TRIM3: variants seen among roughly 807,000 people sequenced by gnomAD.
The protein encoded by TRIM3 is tripartite motif containing 3.
In TRIM3, 13 loss-of-function variants were observed where a neutral mutation model predicts 66.6. That is an observed-to-expected ratio of 0.20 (90% CI 0.13 to 0.31). TRIM3 has a LOEUF of 0.31. TRIM3 is among the 10% of genes least tolerant of loss of function. The pLI is 1.00. For missense variants in TRIM3, 711 were observed against 1,020.4 expected, an observed-to-expected ratio of 0.70 and a Z score of 4.13; for synonymous variants, 406 against 411.7, an observed-to-expected ratio of 0.99 and a Z score of 0.17.
intron 1 of TRIM3, among the ~76,000 whole-genome samples, chr11:6,465,965 A>G (rs1260857671): frequency 6.6e-6 from 1 of 152,228 alleles, no homozygotes; most frequent in African/African-American, 2.4e-5. Flanking sequence ...CTCACCAGCT[A>G]TGTGAGCTTG....
chr11:6,449,326 A>C lies in TRIM3; in HGVS notation c.2062T>G (p.Trp688Gly), dbSNP rs1849622762. Residue 688 changes from tryptophan to glycine, a missense_variant, in exon 11 of 12, where the codon TGG becomes GGG. Physicochemically the swap from Trp to Gly is radical, Grantham distance 184. Transcript: ENST00000345851. The surrounding 1 kb of genome is among the most constrained non-coding windows in gnomAD (Gnocchi z 5.3). ...CTCACCTGGATGCGGCTGTTGCCCC[A>C]GTCAGCCACAATGATGTTTCCATTG... ...DSNGNIIVADWGNSRIQVFDS... is the reference protein window; with the variant it reads ...DSNGNIIVADGGNSRIQVFDS... The C allele has an allele frequency of 6.2e-7, 1 of 1,613,920 alleles. No homozygotes were observed. The highest frequency in any genetic ancestry group is 1.3e-5 in the African/African-American group (1 of 74,922).
At chr11:6,454,311 A>G (rs1475228771) in intron 7 of TRIM3, among the ~76,000 whole-genome samples, 5 of 151,640 alleles carry the variant, frequency 3.3e-5, no homozygotes, top group Admixed American at 2.0e-4. Flanking sequence ...GGATTGCTTG[A>G]GCACAGGAGG....
Position 6,457,651 on chromosome 11 carries a change from C to T in TRIM3, c.515+45G>A. On this transcript the variant is annotated intron_variant, in intron 4 of 11. Coordinates refer to ENST00000345851, the MANE Select transcript of TRIM3 (RefSeq NM_033278.4). This position sits in a 1 kb window ranked among gnomAD's most constrained non-coding sequence, Gnocchi z 4.5. ...TCCCCTCCCCGCCCGAGCTAAGACACCATCCCTGTGGCCCCACCAGCCCAG... is the reference window on the plus strand; with the variant it reads ...TCCCCTCCCCGCCCGAGCTAAGACATCATCCCTGTGGCCCCACCAGCCCAG... The T allele has an allele frequency of 1.9e-6, 3 of 1,591,284 alleles. No homozygotes were observed. Among genetic ancestry groups the T allele is most frequent in the Non-Finnish European group, 2.6e-6 (3 of 1,165,356 alleles).
At chr11:6,460,717 G>A (rs1850188724) in intron 2 of TRIM3, among the ~76,000 whole-genome samples, 1 of 152,124 alleles carries the variant, frequency 6.6e-6, no homozygotes. Flanking sequence ...CCTCAAATTT[G>A]TGGAGTGAAG....
At chr11:6,469,430 TC>T (rs1850596767) in intron 1 of TRIM3, among the ~76,000 whole-genome samples, 2 of 152,186 alleles carry the variant, frequency 1.3e-5, no homozygotes, top group Non-Finnish European at 2.9e-5. Flanking sequence ...TCCTAGCTCT[TC>T]CATCCCACTG....
In TRIM3 at chr11:6,456,593, A is replaced by G; in HGVS notation, c.1133T>C (p.Val378Ala). ...ATATGTGCCATTCTTGTGGTCCACC[A>G]CTGGCACCGGAAGGCGCGTGCCGTC... is the stretch of plus-strand genomic sequence containing the variant. ...GPDGTRLPVPVVDHKNGTYEL... is the reference protein window; with the variant it reads ...GPDGTRLPVPAVDHKNGTYEL... The change falls in exon 6 of 12, where the codon GTG becomes GCG. Residue 378 changes from valine to alanine, a missense_variant. By Grantham distance (64) the Val-to-Ala change is moderately conservative (BLOSUM62 0). Around this residue, in one of 3 missense-constraint regions of TRIM3, gnomAD observed 399 missense variants for 458.1 expected, o/e 0.87. Transcript: ENST00000345851. This position sits in a 1 kb window ranked among gnomAD's most constrained non-coding sequence, Gnocchi z 6.4. The G allele has an allele frequency of 6.2e-7, 1 of 1,612,872 alleles. No homozygotes were observed. The highest frequency in any genetic ancestry group is 8.5e-7 in the Non-Finnish European group (1 of 1,179,842).
Position 6,451,469 on chromosome 11 carries a change from G to T in TRIM3, c.1534-31C>A, listed in dbSNP as rs180776352. On this transcript the variant is annotated intron_variant, in intron 7 of 11. Coordinates refer to ENST00000345851, the MANE Select transcript of TRIM3 (RefSeq NM_033278.4). ...GCAGAGGAGCAAGGGGAGGGAGCAG[G>T]TAGGAGGGGAGACACTGTGGGCACA... The T allele has an allele frequency of 4.3e-3, 6,920 of 1,611,062 alleles. 17 individuals are homozygous for T. Among genetic ancestry groups the T allele is most frequent in the Non-Finnish European group, 4.9e-3 (5,763 of 1,178,064 alleles).
chr11:6,456,261 C>G lies in TRIM3; in HGVS notation c.1429+36G>C. On this transcript the variant is annotated intron_variant, in intron 6 of 11. Coordinates refer to ENST00000345851, the MANE Select transcript of TRIM3 (RefSeq NM_033278.4). The surrounding 1 kb of genome is among the most constrained non-coding windows in gnomAD (Gnocchi z 6.4). The stretch of plus-strand genomic sequence containing the variant: ...CTTCCCTCCCCACCCACTACCTGAG[C>G]CTGGCCCATCTGGCTCTGCCCTCGG... 5 of 1,589,144 alleles carry G rather than the reference C, an allele frequency of 3.1e-6. No individual in the cohort carries two copies. Among genetic ancestry groups the G allele is most frequent in the Non-Finnish European group, 4.3e-6 (5 of 1,164,646 alleles).
intron 2 of TRIM3, among the ~76,000 whole-genome samples, chr11:6,462,012 T>C (rs933939420): frequency 6.6e-6 from 1 of 152,204 alleles, no homozygotes; most frequent in Non-Finnish European, 1.5e-5. Flanking sequence ...ACTGGTTTCT[T>C]TTCTGGTATC....
chr11:6,457,060 C>G lies in TRIM3; in HGVS notation c.697-31G>C. The G allele has an allele frequency of 1.3e-6, 2 of 1,564,468 alleles. No homozygotes were observed. Among genetic ancestry groups the G allele is most frequent in the South Asian group, 2.3e-5 (2 of 86,128 alleles). ...GAGGGGTAGGGGAGGAGTGGGTGAG[C>G]AGACTGGCACAGGGGGAGTCTCTGT... On this transcript the variant is annotated intron_variant, in intron 5 of 11. Transcript: ENST00000345851. This position sits in a 1 kb window ranked among gnomAD's most constrained non-coding sequence, Gnocchi z 4.5.
At position 6,457,939 on chromosome 11, in the gene TRIM3, T is replaced by C; in HGVS notation, c.364-92A>G. On this transcript the variant is annotated intron_variant, in intron 3 of 11. Transcript: ENST00000345851. This position sits in a 1 kb window ranked among gnomAD's most constrained non-coding sequence, Gnocchi z 4.5. Reference sequence around the variant, plus strand: ...CCCTCCCTGCCCCTCACCTTCTAAGTGCACCCCCTACCTGGACCACTAATC... The same window carrying C: ...CCCTCCCTGCCCCTCACCTTCTAAGCGCACCCCCTACCTGGACCACTAATC... 6.4e-7 allele frequency: 1 copy of C among 1,568,544 alleles called. No individual in the cohort carries two copies.
At chr11:6,454,785 G>C (rs1020428081) in intron 7 of TRIM3, among the ~76,000 whole-genome samples, 5 of 152,166 alleles carry the variant, frequency 3.3e-5, no homozygotes, top group Admixed American at 6.5e-5. Flanking sequence ...TAGGTGAAAA[G>C]CAGGGGTCAG....
At position 6,454,716 on chromosome 11, in the gene TRIM3, G is replaced by A. The variant is rs536210960; in HGVS notation, c.1533+1356C>T. Among the ~76,000 whole-genome samples the A allele has an allele frequency of 9.2e-5, 14 of 152,202 alleles. No individual in the cohort carries two copies. In the East Asian group the frequency reaches 2.7e-3, roughly 29 times the overall value. ...TCTTAGAAATAGGGTAGGAGTAAAGGACGACTGGACAGAACTGGGAATATG... is the reference window on the plus strand; with the variant it reads ...TCTTAGAAATAGGGTAGGAGTAAAGAACGACTGGACAGAACTGGGAATATG... On this transcript the variant is annotated intron_variant, in intron 7 of 11. Transcript: ENST00000345851.
chr11:6,474,033 G>T (rs1258730118), upstream of TRIM3: 1 of 135,160 alleles, frequency 7.4e-6, no homozygotes, highest in South Asian at 2.7e-4. Context: ...GCCCGCCGCC[G>T]CGGAGGCCCC....
intron 2 of TRIM3, among the ~76,000 whole-genome samples, chr11:6,463,386 T>C (rs959261308): frequency 6.6e-6 from 1 of 152,222 alleles, no homozygotes; most frequent in Non-Finnish European, 1.5e-5. Context: ...CAATACATGG[T>C]AGCTACTGTT....
chr11:6,458,179 G>A lies in TRIM3; in HGVS notation c.249C>T (p.Ser83=). ...VSALQNNFFI[S]SLMEAMQQAP... is the part of the protein sequence containing the mutation. Reference sequence around the variant, plus strand: ...CCTGCTGCATTGCCTCCATGAGGCTGCTGATGAAGAAGTTGTTCTGCAGTG... The same window carrying A: ...CCTGCTGCATTGCCTCCATGAGGCTACTGATGAAGAAGTTGTTCTGCAGTG... Residue 83 remains serine, a synonymous_variant, in exon 3 of 12, where the codon AGC becomes AGT. Coordinates refer to ENST00000345851, the MANE Select transcript of TRIM3 (RefSeq NM_033278.4). The surrounding 1 kb of genome is among the most constrained non-coding windows in gnomAD (Gnocchi z 6.2). 1.2e-6 allele frequency: 2 copies of A among 1,614,206 alleles called. No homozygotes were observed. The highest frequency in any genetic ancestry group is 1.7e-6 in the Non-Finnish European group (2 of 1,180,042).
intron 2 of TRIM3, among the ~76,000 whole-genome samples, chr11:6,459,605 C>T (rs1850136495): frequency 6.6e-6 from 1 of 152,176 alleles, no homozygotes; most frequent in Non-Finnish European, 1.5e-5. Flanking sequence ...TGTGCTTAGC[C>T]AGCATACTCT....
Position 6,449,276 on chromosome 11 carries a change from C to T in TRIM3, c.2082+30G>A. 6.2e-7 allele frequency: 1 copy of T among 1,610,948 alleles called. No individual in the cohort carries two copies. On this transcript the variant is annotated intron_variant, in intron 11 of 11. Transcript: ENST00000345851. The surrounding 1 kb of genome is among the most constrained non-coding windows in gnomAD (Gnocchi z 5.3). ...CATATGGGACACACCAGGAAACCGC[C>T]CCCTCATGTCATTCCCAGGCCTTAC... is the stretch of plus-strand genomic sequence containing the variant.
At position 6,449,486 on chromosome 11, in the gene TRIM3, A is replaced by G; in HGVS notation, c.1942-40T>C. 2 of 1,593,018 alleles carry G rather than the reference A, an allele frequency of 1.3e-6. No homozygotes were observed. Among genetic ancestry groups the G allele is most frequent in the Non-Finnish European group, 1.7e-6 (2 of 1,166,880 alleles). On this transcript the variant is annotated intron_variant, in intron 10 of 11. Transcript: ENST00000345851. The surrounding 1 kb of genome is among the most constrained non-coding windows in gnomAD (Gnocchi z 5.3). ...GGCTAGGGACTGGGGACCTGGCCTC[A>G]GGCAGAGGGTAGGGCTTTGGAGGAG... is the stretch of plus-strand genomic sequence containing the variant.
Sources: allele counts gnomAD v4.1 joint callset (sites outside exome capture counted in the v4.1 genomes callset), GRCh38; gene constraint gnomAD v4.1.1; regional missense constraint gnomAD v4.1.1; non-coding constraint Gnocchi (gnomAD v3.1); transcripts MANE v1.5; gene names NCBI Gene and HGNC (gene_info 2026-07-23, HGNC 2026-07-21).